The following C1orf198 variants were observed in gnomAD, a reference collection of about 807,000 sequenced individuals.
C1orf198 encodes uncharacterized protein C1orf198.
A neutral mutation model predicts 31.4 loss-of-function variants in C1orf198; 17 were observed. The observed-to-expected ratio is 0.54, with a 90% CI of 0.37 to 0.81. The LOEUF (loss-of-function observed/expected upper bound fraction) is 0.81. C1orf198 is among the 40% of genes least tolerant of loss of function. C1orf198 has a pLI of 0.00. For synonymous variants in C1orf198, 175 were observed against 193.8 expected, an observed-to-expected ratio of 0.90 and a Z score of 0.81; for missense variants, 401 against 450.3, an observed-to-expected ratio of 0.89 and a Z score of 0.99.
chr1:230,844,653 T>C (rs1481316350), intron 2 of C1orf198, among the ~76,000 whole-genome samples: 2 of 152,210 alleles, frequency 1.3e-5, no homozygotes, highest in Non-Finnish European at 2.9e-5. Context: ...AGTGTGGTTC[T>C]AGCACCTTCC....
In C1orf198 at chr1:230,868,433, C is replaced by G; in HGVS notation, c.80G>C (p.Arg27Pro). The G allele has an allele frequency of 6.3e-7, 1 of 1,581,152 alleles. No homozygotes were observed. The highest frequency in any genetic ancestry group is 1.1e-5 in the South Asian group (1 of 87,732). The change falls in exon 1 of 4, where the codon CGA becomes CCA. Residue 27 changes from arginine to proline, a missense_variant. Coordinates refer to ENST00000366663, the MANE Select transcript of C1orf198 (RefSeq NM_032800.3). Reference sequence around the variant, plus strand: ...CGACGAGAAGTAAGTGAAGCGCTTTCGCTCCCGGTCGTCCAGAGGCCGGTT... The same window carrying G: ...CGACGAGAAGTAAGTGAAGCGCTTTGGCTCCCGGTCGTCCAGAGGCCGGTT... ...SGNRPLDDRE[R>P]KRFTYFSSLS...
chr1:230,843,869 G>C lies in C1orf198; in HGVS notation c.412C>G (p.Leu138Val), dbSNP rs1424846681. Residue 138 changes from leucine to valine, a missense_variant, in exon 3 of 4, where the codon CTA (leucine) becomes GTA (valine). By Grantham distance (32) the Leu-to-Val change is conservative. Transcript: ENST00000366663. This position sits in a 1 kb window ranked among gnomAD's most constrained non-coding sequence, Gnocchi z 4.9. Reference sequence around the variant, plus strand: ...CCGTTGCTCGGCTCCTGGATGGATAGGGCGGAGATACTGAACTCCATCTGA... The same window carrying C: ...CCGTTGCTCGGCTCCTGGATGGATACGGCGGAGATACTGAACTCCATCTGA... ...KSQMEFSISA[L>V]SIQEPSNGTA... 1.6e-5 allele frequency: 25 copies of C among 1,521,498 alleles called. No individual in the cohort carries two copies. Among genetic ancestry groups the C allele is most frequent in the Non-Finnish European group, 2.1e-5 (24 of 1,138,892 alleles). 94.2% of individuals were successfully genotyped at this position (1,521,498 alleles called of 1,614,324 possible). A position where few individuals can be genotyped will look rare whatever the true frequency, so the allele number is the denominator to read the frequency against.
chr1:230,854,247 C>T (rs535485053), intron 2 of C1orf198, among the ~76,000 whole-genome samples: 2 of 152,266 alleles, frequency 1.3e-5, no homozygotes, highest in Admixed American at 6.5e-5. Flanking sequence ...TTCCAACACA[C>T]AGAGAATCTA....
At chr1:230,866,593 G>A (rs1670124382) in intron 1 of C1orf198, among the ~76,000 whole-genome samples, 1 of 152,174 alleles carries the variant, frequency 6.6e-6, no homozygotes, top group Non-Finnish European at 1.5e-5. Context: ...TTTTCATCAT[G>A]AGTAGGCGTG....
rs1375257136 is a variant in C1orf198 at position 230,843,121 on chromosome 1, C to T, written c.927+233G>A. Among the ~76,000 whole-genome samples the T allele has an allele frequency of 6.6e-6, 1 of 152,232 alleles. No individual in the cohort carries two copies. On this transcript the variant is annotated intron_variant, in intron 3 of 3. Transcript: ENST00000366663. The surrounding 1 kb of genome is among the most constrained non-coding windows in gnomAD (Gnocchi z 4.9). ...GGGGAAAGCGCAGTGGGCCACGGAA[C>T]CCTGACTGGTAAACAAATTAGGGCA...
intron 2 of C1orf198, among the ~76,000 whole-genome samples, chr1:230,852,768 TA>T (rs1669776870): frequency 6.6e-6 from 1 of 152,176 alleles, no homozygotes; most frequent in Non-Finnish European, 1.5e-5. Flanking sequence ...TGGCCAAGGT[TA>T]ACCAAGGAAT....
At chr1:230,864,131 T>C (rs1189291482) in intron 1 of C1orf198, among the ~76,000 whole-genome samples, 5 of 152,164 alleles carry the variant, frequency 3.3e-5, no homozygotes, top group Non-Finnish European at 7.3e-5. Flanking sequence ...TCTGAAGCGA[T>C]TGATTCTACC....
intron 1 of C1orf198, among the ~76,000 whole-genome samples, chr1:230,858,619 G>A (rs1669933056): frequency 6.6e-6 from 1 of 152,214 alleles, no homozygotes; most frequent in African/African-American, 2.4e-5. Flanking sequence ...GAATCAGACA[G>A]GCCACTGGCC....
intron 3 of C1orf198, among the ~76,000 whole-genome samples, chr1:230,841,143 C>T (rs756700904): frequency 2.0e-5 from 3 of 152,140 alleles, no homozygotes; most frequent in African/African-American, 4.8e-5. Context: ...CTGAGCCTGT[C>T]TGTAAGGAGG....
intron 1 of C1orf198, among the ~76,000 whole-genome samples, chr1:230,863,029 G>T (rs1670034745): frequency 1.3e-5 from 2 of 152,168 alleles, no homozygotes; most frequent in Non-Finnish European, 2.9e-5. Flanking sequence ...AAGGAAGAAT[G>T]ATTAAAATAT....
At chr1:230,851,058 A>G (rs1669730099) in intron 2 of C1orf198, among the ~76,000 whole-genome samples, 1 of 151,216 alleles carries the variant, frequency 6.6e-6, no homozygotes, top group South Asian at 2.1e-4. Context: ...ACACATCCCT[A>G]TCATGGGCAC....
chr1:230,853,604 C>T (rs975577647), intron 2 of C1orf198, among the ~76,000 whole-genome samples: 3 of 152,134 alleles, frequency 2.0e-5, no homozygotes, highest in Middle Eastern at 3.4e-3. Flanking sequence ...AGTCTGACCT[C>T]GAGAGATCAA....
At chr1:230,842,651 G>A (rs553836795) in intron 3 of C1orf198, among the ~76,000 whole-genome samples, 13 of 152,102 alleles carry the variant, frequency 8.5e-5, no homozygotes, top group African/African-American at 2.7e-4. Context: ...TCCACTGCTC[G>A]GGTGATGGGT....
In C1orf198 at chr1:230,839,954, TCA is replaced by T. The variant is rs769525848; in HGVS notation, c.928-48_928-47del. The stretch of plus-strand genomic sequence containing the variant: ...TGGAAGTAAGACGAGCCTCTTTTTT[TCA>T]GTTACGTATAATCTAAAAACAGCAT... On this transcript the variant is annotated intron_variant, in intron 3 of 3. Transcript: ENST00000366663. 11 of 1,534,276 alleles carry T rather than the reference TCA, an allele frequency of 7.2e-6. No individual in the cohort carries two copies. The East Asian group carries it at 2.0e-4, about 29-fold the overall frequency.
At chr1:230,844,753 C>T (rs1669543065) in intron 2 of C1orf198, among the ~76,000 whole-genome samples, 1 of 152,210 alleles carries the variant, frequency 6.6e-6, no homozygotes, top group Non-Finnish European at 1.5e-5. Flanking sequence ...AGAACCCAGC[C>T]TCAGATCACA....
intron 2 of C1orf198, among the ~76,000 whole-genome samples, chr1:230,849,425 G>A (rs1204772433): frequency 6.6e-6 from 1 of 152,180 alleles, no homozygotes; most frequent in African/African-American, 2.4e-5. Flanking sequence ...GGGGAGATAG[G>A]AGAGTCCACA....
chr1:230,866,833 T>C (rs1670131448), intron 1 of C1orf198, among the ~76,000 whole-genome samples: 1 of 152,222 alleles, frequency 6.6e-6, no homozygotes, highest in Non-Finnish European at 1.5e-5. Context: ...TTTTAAAACC[T>C]ATATTTTCCC....
chr1:230,858,044 GT>G (rs1289287636), intron 1 of C1orf198, among the ~76,000 whole-genome samples: 1 of 152,224 alleles, frequency 6.6e-6, no homozygotes, highest in Non-Finnish European at 1.5e-5. Flanking sequence ...TGGAATTTCA[GT>G]TAAACTCAAG....
Position 230,846,610 on chromosome 1 carries a change from T to A in C1orf198, c.385-2714A>T, listed in dbSNP as rs1284820211. Among the ~76,000 whole-genome samples the A allele has an allele frequency of 1.1e-4, 17 of 152,208 alleles. 1 individual carries two copies. Reference sequence around the variant, plus strand: ...CTTGGGAGATGAGATCACGAGGCCATGAAGAATTCAAGTTTAAAACGCACG... The same window carrying A: ...CTTGGGAGATGAGATCACGAGGCCAAGAAGAATTCAAGTTTAAAACGCACG... On this transcript the variant is annotated intron_variant, in intron 2 of 3. Transcript: ENST00000366663.
Sources: allele counts gnomAD v4.1 joint callset (sites outside exome capture counted in the v4.1 genomes callset), GRCh38; gene constraint gnomAD v4.1.1; non-coding constraint Gnocchi (gnomAD v3.1); transcripts MANE v1.5; gene names NCBI Gene and HGNC (gene_info 2026-07-23, HGNC 2026-07-21).